Variants in MECOM observed in about 807,000 individuals in gnomAD.
MECOM encodes the protein histone-lysine N-methyltransferase MECOM.
A neutral mutation model predicts 116.3 loss-of-function variants in MECOM; 13 were observed. The observed-to-expected ratio is 0.11, with a 90% CI of 0.07 to 0.18. The LOEUF (loss-of-function observed/expected upper bound fraction) is 0.18. Ranked by LOEUF, MECOM falls within the 10% of genes least tolerant of loss-of-function variation. The pLI is 1.00. For synonymous variants in MECOM, 528 were observed against 535.2 expected, an observed-to-expected ratio of 0.99 and a Z score of 0.19; for missense variants, 1,299 against 1,509.0, an observed-to-expected ratio of 0.86 and a Z score of 2.31.
intron 3 of MECOM, among the ~76,000 whole-genome samples, chr3:169,138,819 G>C (rs141552575): frequency 6.6e-5 from 10 of 152,156 alleles, no homozygotes; most frequent in African/African-American, 2.4e-4. Context: ...TGCACAAATT[G>C]TACTAATCGA....
chr3:169,262,566 G>A (rs1449315601), intron 2 of MECOM, among the ~76,000 whole-genome samples: 3 of 152,062 alleles, frequency 2.0e-5, no homozygotes, highest in East Asian at 1.9e-4. Context: ...CACGGGTCAC[G>A]TTAGGCTGGG....
intron 1 of MECOM, among the ~76,000 whole-genome samples, chr3:169,640,367 G>T (rs1341234742): frequency 6.6e-6 from 1 of 152,150 alleles, no homozygotes; most frequent in Non-Finnish European, 1.5e-5. Context: ...GTGTTGAAAA[G>T]TCTTCTCCAA....
intron 2 of MECOM, among the ~76,000 whole-genome samples, chr3:169,242,042 GCTAA>G (rs1560035408): frequency 1.3e-5 from 2 of 152,146 alleles, no homozygotes; most frequent in East Asian, 3.9e-4. Context: ...TGATCTGTCG[GCTAA>G]CTGAGCAGTG....
chr3:169,650,622 C>T (rs1774772638), intron 1 of MECOM, among the ~76,000 whole-genome samples: 1 of 151,986 alleles, frequency 6.6e-6, no homozygotes, highest in African/African-American at 2.4e-5. Context: ...TGGTTTTAGA[C>T]CCTTGATCCT....
At chr3:169,292,883 C>T (rs1714852414) in intron 2 of MECOM, among the ~76,000 whole-genome samples, 1 of 152,114 alleles carries the variant, frequency 6.6e-6, no homozygotes, top group African/African-American at 2.4e-5. Context: ...TAATGATTTC[C>T]ATTGCCCCTG....
intron 1 of MECOM, among the ~76,000 whole-genome samples, chr3:169,656,125 G>A (rs1775518028): frequency 6.6e-6 from 1 of 152,286 alleles, no homozygotes; most frequent in East Asian, 1.9e-4. Context: ...GTGTAAGCCT[G>A]CCCATCGCCA....
In MECOM at chr3:169,190,563, T is replaced by C. The variant is rs181919374; in HGVS notation, c.376-46731A>G. Among the ~76,000 whole-genome samples the C allele has an allele frequency of 8.7e-3, 1,324 of 152,136 alleles. 14 individuals carry two copies. Among genetic ancestry groups the C allele is most frequent in the Non-Finnish European group, 8.0e-3 (541 of 67,972 alleles). On this transcript the variant is annotated intron_variant, in intron 2 of 16. Coordinates refer to ENST00000651503, the MANE Select transcript of MECOM (RefSeq NM_004991.4). ...GAATCTGATCATCTCAAAAACCTCA[T>C]CACAGGCCAACTGGTATCCAGATCA...
chr3:169,357,160 G>T (rs1727412676), intron 2 of MECOM, among the ~76,000 whole-genome samples: 1 of 151,810 alleles, frequency 6.6e-6, no homozygotes, highest in Non-Finnish European at 1.5e-5. Flanking sequence ...AAATAGTTTA[G>T]ATAATTTTGC....
At chr3:169,468,609 C>T (rs574042343) in intron 1 of MECOM, among the ~76,000 whole-genome samples, 1 of 152,224 alleles carries the variant, frequency 6.6e-6, no homozygotes, top group East Asian at 1.9e-4. Context: ...AAAAGGAATC[C>T]TTGCTTCTCA....
chr3:169,148,188 T>C (rs2149316326), intron 2 of MECOM, among the ~76,000 whole-genome samples: 1 of 152,270 alleles, frequency 6.6e-6, no homozygotes, highest in Admixed American at 6.5e-5. Flanking sequence ...ATTATGGGTT[T>C]AGAGAGATTG....
At chr3:169,277,047 A>G (rs1759676444) in intron 2 of MECOM, among the ~76,000 whole-genome samples, 1 of 151,168 alleles carries the variant, frequency 6.6e-6, no homozygotes, top group Non-Finnish European at 1.5e-5. Flanking sequence ...TGCTGTCATA[A>G]TTTTCTAGGA....
chr3:169,662,217 A>C (rs912759951), intron 1 of MECOM, among the ~76,000 whole-genome samples: 6 of 152,146 alleles, frequency 3.9e-5, no homozygotes, highest in Non-Finnish European at 7.4e-5. Flanking sequence ...CCGCCAGACC[A>C]AGGCCGCTCC....
chr3:169,471,455 C>T (rs1749230632), intron 1 of MECOM, among the ~76,000 whole-genome samples: 1 of 151,870 alleles, frequency 6.6e-6, no homozygotes, highest in African/African-American at 2.4e-5. Flanking sequence ...TAAATGAAAG[C>T]AGATTTATCA....
chr3:169,387,292 C>T (rs1733498540), intron 1 of MECOM, among the ~76,000 whole-genome samples: 1 of 152,204 alleles, frequency 6.6e-6, no homozygotes, highest in African/African-American at 2.4e-5. Context: ...ATTTGAGCGC[C>T]TGTGAACGGC....
chr3:169,313,896 G>A (rs1186323800), intron 2 of MECOM, among the ~76,000 whole-genome samples: 1 of 152,180 alleles, frequency 6.6e-6, no homozygotes, highest in Non-Finnish European at 1.5e-5. Context: ...AACTAGTTAA[G>A]ACAACTGAAC....
chr3:169,593,558 A>G (rs1225748165), intron 1 of MECOM, among the ~76,000 whole-genome samples: 3 of 152,168 alleles, frequency 2.0e-5, no homozygotes, highest in Non-Finnish European at 4.4e-5. Context: ...AGATTCCTCA[A>G]TGCTATCTGA....
At chr3:169,505,846 T>G (rs930450888) in intron 1 of MECOM, among the ~76,000 whole-genome samples, 13 of 152,206 alleles carry the variant, frequency 8.5e-5, no homozygotes, top group African/African-American at 2.7e-4. Flanking sequence ...ACTCTTTCTC[T>G]GTCTTTATCA....
intron 1 of MECOM, among the ~76,000 whole-genome samples, chr3:169,492,012 A>T (rs1176472200): frequency 6.6e-6 from 1 of 152,228 alleles, no homozygotes; most frequent in Non-Finnish European, 1.5e-5. Flanking sequence ...TTTATCTGGG[A>T]CTAGAATTCT....
At chr3:169,632,275 A>G (rs947313189) in intron 1 of MECOM, among the ~76,000 whole-genome samples, 12 of 152,258 alleles carry the variant, frequency 7.9e-5, no homozygotes, top group Admixed American at 3.3e-4. Flanking sequence ...GAAATCTCAT[A>G]TCACGTGAGA....
Sources: gnomAD v4.1 joint callset for allele counts (sites outside exome capture counted in the v4.1 genomes callset) on GRCh38, gnomAD v4.1.1 for gene constraint, MANE v1.5 for transcripts, NCBI Gene and HGNC (gene_info 2026-07-23, HGNC 2026-07-21) for gene names.